The following MAF variants were observed in gnomAD, a reference collection of about 807,000 sequenced individuals.
MAF encodes the protein MAF bZIP transcription factor.
A neutral mutation model predicts 22.0 loss-of-function variants in MAF; 10 were observed. That is an observed-to-expected ratio of 0.45 (90% CI 0.28 to 0.77). MAF has a LOEUF of 0.77. Among genes scored for constraint, MAF ranks in the 30% least tolerant of loss-of-function variants. The probability of loss-of-function intolerance (pLI) is 0.12; values close to 1 mark genes in which losing one functional copy is unlikely to be tolerated. For missense variants in MAF, 544 were observed against 548.4 expected (o/e 0.99, Z 0.08); for synonymous variants, 337 against 255.8 (o/e 1.32, Z -3.03).
chr16:79,403,555 C>T, the MAF span, among the ~76,000 whole-genome samples: 1 of 152,154 alleles, frequency 6.6e-6, no homozygotes, highest in Non-Finnish European at 1.5e-5. Context: ...TCTTTGCCTC[C>T]CTTAATGCCA....
the MAF span, among the ~76,000 whole-genome samples, chr16:79,572,479 C>T: frequency 8.0e-4 from 122 of 152,326 alleles, no homozygotes; most frequent in African/African-American, 2.8e-3. Context: ...TCAATTAACG[C>T]ACATACGTCT....
the MAF span, among the ~76,000 whole-genome samples, chr16:79,218,074 T>A: frequency 2.0e-5 from 3 of 146,920 alleles, no homozygotes; most frequent in Admixed American, 6.9e-5. Flanking sequence ...TTTCAATATA[T>A]CCAAGCTAGT....
chr16:79,588,806 G>T (rs1033093636), intron 1 of MAF, among the ~76,000 whole-genome samples: 1 of 151,488 alleles, frequency 6.6e-6, no homozygotes, highest in Admixed American at 6.6e-5. Flanking sequence ...TGTGTTAAAG[G>T]GTCCCAGGAA....
At chr16:79,283,573 TA>T in the MAF span, among the ~76,000 whole-genome samples, 19 of 152,288 alleles carry the variant, frequency 1.2e-4, no homozygotes, top group Admixed American at 1.2e-3. Context: ...AAAAAACGAT[TA>T]AAAAGATCTC....
At chr16:79,269,464 T>C in the MAF span, among the ~76,000 whole-genome samples, 1 of 152,100 alleles carries the variant, frequency 6.6e-6, no homozygotes, top group Non-Finnish European at 1.5e-5. Flanking sequence ...TGGGTGGGTG[T>C]GGACAGAGGC....
the MAF span, among the ~76,000 whole-genome samples, chr16:79,221,843 C>T: frequency 1.3e-5 from 2 of 152,148 alleles, no homozygotes; most frequent in Non-Finnish European, 2.9e-5. Flanking sequence ...CTGTGAAGTT[C>T]TGTTATTAAA....
the MAF span, among the ~76,000 whole-genome samples, chr16:79,369,886 C>T: frequency 1.3e-5 from 2 of 152,192 alleles, no homozygotes; most frequent in South Asian, 4.1e-4. Flanking sequence ...GGAAAGGGGA[C>T]TGAAATTAAA....
the MAF span, among the ~76,000 whole-genome samples, chr16:79,473,759 G>A: frequency 1.3e-5 from 2 of 152,128 alleles, no homozygotes; most frequent in African/African-American, 4.8e-5. Context: ...CGCAAGCTCT[G>A]CCGACTGAAA....
chr16:79,229,957 TAATCA>T, the MAF span, among the ~76,000 whole-genome samples: 3 of 151,916 alleles, frequency 2.0e-5, no homozygotes, highest in African/African-American at 7.2e-5. Context: ...CCCCGCCATC[TAATCA>T]AAAGGGACTC....
At chr16:79,274,049 G>C in the MAF span, among the ~76,000 whole-genome samples, 1 of 146,404 alleles carries the variant, frequency 6.8e-6, no homozygotes, top group African/African-American at 2.5e-5. Context: ...CCACCTCCCA[G>C]GTTCAAGCAA....
At chr16:79,331,131 T>C in the MAF span, among the ~76,000 whole-genome samples, 2 of 152,200 alleles carry the variant, frequency 1.3e-5, no homozygotes, top group Non-Finnish European at 2.9e-5. Context: ...ACTCAGCAAG[T>C]GGATCCACAA....
chr16:79,368,892 T>G, the MAF span, among the ~76,000 whole-genome samples: 1 of 152,204 alleles, frequency 6.6e-6, no homozygotes, highest in Non-Finnish European at 1.5e-5. Flanking sequence ...TTTCTGTCTC[T>G]TTCTCCTGCT....
At chr16:79,356,065 G>A in the MAF span, among the ~76,000 whole-genome samples, 1 of 151,612 alleles carries the variant, frequency 6.6e-6, no homozygotes. Flanking sequence ...ACACACACGT[G>A]CATCCCCAGG....
intron 1 of MAF, 105 bp from the exon 2 acceptor site, chr16:79,594,658 T>C: frequency 1.3e-6 from 2 of 1,523,132 alleles, no homozygotes; most frequent in Non-Finnish European, 1.8e-6. Context: ...TTTTTAAATT[T>C]AGAGACTTAT....
chr16:79,307,183 G>T, the MAF span, among the ~76,000 whole-genome samples: 1 of 152,214 alleles, frequency 6.6e-6, no homozygotes, highest in Non-Finnish European at 1.5e-5. Flanking sequence ...GGTTTGAGAT[G>T]AATCTGGTGA....
At chr16:79,305,283 G>C in the MAF span, among the ~76,000 whole-genome samples, 12 of 152,192 alleles carry the variant, frequency 7.9e-5, no homozygotes, top group Non-Finnish European at 2.9e-5. Flanking sequence ...GCAGTTGCTC[G>C]GTTACCGAGC....
At chr16:79,210,936 A>G in the MAF span, among the ~76,000 whole-genome samples, 1 of 152,184 alleles carries the variant, frequency 6.6e-6, no homozygotes, top group Non-Finnish European at 1.5e-5. Flanking sequence ...GTCCCATTGT[A>G]AATCTGGGTC....
At chr16:79,581,912 T>G (rs543146052), downstream of MAF, among the ~76,000 whole-genome samples, 17 of 152,328 alleles carry the variant, frequency 1.1e-4, no homozygotes, top group Admixed American at 3.3e-4. Context: ...GCTGGTTGGA[T>G]TTTCCCACTG....
the MAF span, among the ~76,000 whole-genome samples, chr16:79,265,937 A>T: frequency 6.6e-6 from 1 of 152,222 alleles, no homozygotes. Context: ...GGGAGTGTCT[A>T]CAGCAGGGAT....
Sources: allele counts gnomAD v4.1 joint callset (sites outside exome capture counted in the v4.1 genomes callset), GRCh38; gene constraint gnomAD v4.1.1; transcripts MANE v1.5; gene names NCBI Gene and HGNC (gene_info 2026-07-23, HGNC 2026-07-21).